GPHN: variants seen among roughly 807,000 people sequenced by gnomAD.
GPHN encodes the protein gephyrin.
In GPHN, 17 loss-of-function variants were observed where a neutral mutation model predicts 95.5. The observed-to-expected ratio is 0.18, with a 90% CI of 0.12 to 0.27. The LOEUF (loss-of-function observed/expected upper bound fraction) is 0.27, where lower values mean the gene tolerates loss of function less well. GPHN is among the 10% of genes least tolerant of loss of function. The pLI is 1.00. For missense variants in GPHN, 660 were observed against 978.1 expected, an observed-to-expected ratio of 0.67 and a Z score of 4.34; for synonymous variants, 320 against 322.5, an observed-to-expected ratio of 0.99 and a Z score of 0.08.
intron 1 of GPHN, among the ~76,000 whole-genome samples, chr14:66,650,905 T>C (rs2065009386): frequency 2.0e-5 from 3 of 152,182 alleles, no homozygotes; most frequent in African/African-American, 7.2e-5. Flanking sequence ...CACCCTGTTA[T>C]CCTTAGAGAA....
At chr14:66,699,858 A>C (rs1371156132) in intron 2 of GPHN, among the ~76,000 whole-genome samples, 1 of 152,214 alleles carries the variant, frequency 6.6e-6, no homozygotes, top group Non-Finnish European at 1.5e-5. Flanking sequence ...GAAACAAAGC[A>C]ACAAAAACTA....
chr14:67,243,454 C>T, the GPHN span, among the ~76,000 whole-genome samples: 1 of 148,262 alleles, frequency 6.7e-6, no homozygotes, highest in Admixed American at 6.9e-5. Flanking sequence ...TCCTGAAATG[C>T]TGGGATTACA....
the GPHN span, among the ~76,000 whole-genome samples, chr14:67,680,436 A>T: frequency 2.6e-5 from 4 of 152,206 alleles, no homozygotes; most frequent in Non-Finnish European, 5.9e-5. Flanking sequence ...CTTGTAGGCT[A>T]TAAAAACTAA....
chr14:67,209,572 C>A, the GPHN span, among the ~76,000 whole-genome samples: 1 of 152,008 alleles, frequency 6.6e-6, no homozygotes, highest in Admixed American at 6.6e-5. Flanking sequence ...GTAGTCCCAG[C>A]ACTTTGGGAG....
At chr14:66,934,520 C>T (rs2067001986) in intron 8 of GPHN, among the ~76,000 whole-genome samples, 1 of 152,210 alleles carries the variant, frequency 6.6e-6, no homozygotes, top group African/African-American at 2.4e-5. Context: ...CACCTAGCCA[C>T]AGTCATTAGT....
At chr14:67,089,737 C>T (rs2077071222) in intron 12 of GPHN, among the ~76,000 whole-genome samples, 1 of 152,132 alleles carries the variant, frequency 6.6e-6, no homozygotes, top group African/African-American at 2.4e-5. Context: ...ATGAGGGAAA[C>T]CTCTAATTCT....
At chr14:67,044,439 C>A (rs752060750) in intron 10 of GPHN, among the ~76,000 whole-genome samples, 29 of 151,982 alleles carry the variant, frequency 1.9e-4, no homozygotes, top group Non-Finnish European at 4.0e-4. Flanking sequence ...GGTATTTTTT[C>A]TTTTTCTTAT....
At position 66,785,885 on chromosome 14, in the gene GPHN, C is replaced by A. The variant is rs2059758573; in HGVS notation, c.201+9364C>A. On this transcript the variant is annotated intron_variant, in intron 3 of 22. Coordinates refer to ENST00000478722, the MANE Select transcript of GPHN (RefSeq NM_020806.5). Reference sequence around the variant, plus strand: ...ATGAAAATATAACACATCAAAAAATCTGTAAAGCAGTGAAAGCAGGGCTGA... The same window carrying A: ...ATGAAAATATAACACATCAAAAAATATGTAAAGCAGTGAAAGCAGGGCTGA... Among the ~76,000 whole-genome samples, 3 of 151,850 alleles carry A rather than the reference C, an allele frequency of 2.0e-5. No individual in the cohort carries two copies. The South Asian group carries it at 6.2e-4, about 32-fold the overall frequency.
intron 16 of GPHN, among the ~76,000 whole-genome samples, chr14:67,118,454 G>A (rs1436145186): frequency 1.3e-5 from 2 of 152,138 alleles, no homozygotes; most frequent in African/African-American, 2.4e-5. Context: ...GGCCAGGCGC[G>A]GTGGCTCACG....
the GPHN span, chr14:67,660,084 ATT>A: frequency 1.4e-6 from 1 of 689,882 alleles, no homozygotes. Context: ...TGTTCCCCTC[ATT>A]CTGAATGCCT....
At chr14:67,727,111 C>T in the GPHN span, 757 of 1,614,104 alleles carry the variant, frequency 4.7e-4, 1 homozygote, top group Non-Finnish European at 5.9e-4. Context: ...GCGAGAAGCG[C>T]TACAGCAGGG....
chr14:67,190,640 A>G, the GPHN span, among the ~76,000 whole-genome samples: 1 of 152,206 alleles, frequency 6.6e-6, no homozygotes, highest in African/African-American at 2.4e-5. Flanking sequence ...TAATTACTCA[A>G]ATATTTCAAA....
the GPHN span, chr14:67,343,488 T>C: frequency 3.1e-6 from 4 of 1,291,944 alleles, no homozygotes; most frequent in Admixed American, 3.4e-5. Context: ...TCCTAATCAT[T>C]CCCTGATCAC....
chr14:66,644,804 A>T (rs941184378), intron 1 of GPHN, among the ~76,000 whole-genome samples: 1 of 152,326 alleles, frequency 6.6e-6, no homozygotes, highest in African/African-American at 2.4e-5. Flanking sequence ...AAATTCAGTC[A>T]CTAACTAAAC....
the GPHN span, among the ~76,000 whole-genome samples, chr14:67,470,023 C>T: frequency 6.6e-6 from 1 of 152,164 alleles, no homozygotes; most frequent in African/African-American, 2.4e-5. Context: ...AAAGTAAGGC[C>T]TGGATCACAT....
chr14:67,194,600 G>C, the GPHN span, among the ~76,000 whole-genome samples: 2 of 152,034 alleles, frequency 1.3e-5, no homozygotes. Context: ...CCGCCTCCCG[G>C]GTTCAAGAGA....
intron 4 of GPHN, among the ~76,000 whole-genome samples, chr14:66,874,194 A>G (rs1052755580): frequency 6.6e-6 from 1 of 152,224 alleles, no homozygotes; most frequent in Admixed American, 6.5e-5. Flanking sequence ...TAATGAACAG[A>G]GAGGAATAGC....
intron 10 of GPHN, among the ~76,000 whole-genome samples, chr14:67,056,689 G>T (rs566940292): frequency 6.6e-6 from 1 of 150,586 alleles, no homozygotes; most frequent in African/African-American, 2.5e-5. Context: ...CGCCAGGGCC[G>T]TGGGTGGAGC....
chr14:66,766,810 T>C (rs959916872), intron 2 of GPHN, among the ~76,000 whole-genome samples: 2 of 152,140 alleles, frequency 1.3e-5, no homozygotes, highest in East Asian at 3.9e-4. Context: ...CAAAGCCAGG[T>C]ATACTGTAGT....
Sources: allele counts gnomAD v4.1 joint callset (sites outside exome capture counted in the v4.1 genomes callset), GRCh38; gene constraint gnomAD v4.1.1; transcripts MANE v1.5; gene names NCBI Gene and HGNC (gene_info 2026-07-23, HGNC 2026-07-21).